Variants in MEF2D observed in about 807,000 individuals in gnomAD.
MEF2D encodes the protein myocyte-specific enhancer factor 2D.
A neutral mutation model predicts 59.3 loss-of-function variants in MEF2D; 10 were observed. The observed-to-expected ratio is 0.17, with a 90% CI of 0.10 to 0.29. The LOEUF (loss-of-function observed/expected upper bound fraction) is 0.29, where lower values mean the gene tolerates loss of function less well. MEF2D is among the 10% of genes least tolerant of loss of function. The pLI, the probability that MEF2D is intolerant of heterozygous loss-of-function variation, is 1.00. For missense variants in MEF2D, 508 were observed against 699.4 expected (o/e 0.73, Z 3.09); for synonymous variants, 305 against 295.0 (o/e 1.03, Z -0.35).
intron 1 of MEF2D, among the ~76,000 whole-genome samples, chr1:156,487,391 A>C (rs956260482): frequency 3.3e-5 from 5 of 152,130 alleles, no homozygotes; most frequent in Non-Finnish European, 4.4e-5. Context: ...TGCTGCTCCC[A>C]CTTCTGTGCC....
chr1:156,495,314 C>T (rs926225601), intron 1 of MEF2D, among the ~76,000 whole-genome samples: 1 of 152,118 alleles, frequency 6.6e-6, no homozygotes, highest in African/African-American at 2.4e-5. Context: ...GCCCTTTATA[C>T]TTCATAACTA....
At chr1:156,470,271 A>C (rs1375321022) in intron 9 of MEF2D, among the ~76,000 whole-genome samples, 1 of 152,032 alleles carries the variant, frequency 6.6e-6, no homozygotes, top group Non-Finnish European at 1.5e-5. Flanking sequence ...AATACAAAAA[A>C]TTAGCCAGGC....
Position 156,464,248 on chromosome 1 carries a change from T to C in MEF2D, c.*3397A>G, listed in dbSNP as rs1670695933. 2.0e-5 allele frequency: 3 copies of C among 152,430 alleles called. No individual in the cohort carries two copies. The allele number at this position is 152,430 out of a possible 1,614,324, so 9.4% of individuals were successfully genotyped here. On this transcript the variant is annotated 3_prime_UTR_variant, in exon 12 of 12. Coordinates refer to ENST00000348159, the MANE Select transcript of MEF2D (RefSeq NM_005920.4). Reference sequence around the variant, plus strand: ...ACCCCAGGGGATTCCAAAGAGTCAGTTAAAAATATATAGAGATATAGATAT... The same window carrying C: ...ACCCCAGGGGATTCCAAAGAGTCAGCTAAAAATATATAGAGATATAGATAT...
chr1:156,488,938 C>A (rs748587337), intron 1 of MEF2D, among the ~76,000 whole-genome samples: 3 of 152,054 alleles, frequency 2.0e-5, no homozygotes, highest in Non-Finnish European at 4.4e-5. Flanking sequence ...TGTCCTTCTC[C>A]CCTACACCCT....
Position 156,464,001 on chromosome 1 carries a change from C to T in MEF2D, c.*3644G>A, listed in dbSNP as rs1367909287. 2 of 152,622 alleles carry T rather than the reference C, an allele frequency of 1.3e-5. No homozygotes were observed. Among genetic ancestry groups the T allele is most frequent in the African/African-American group, 4.8e-5 (2 of 41,416 alleles). The allele number at this position is 152,622 out of a possible 1,614,324, so 9.5% of individuals were successfully genotyped here. ...GGGGTGGGGCACCTCCATGGCCCAT[C>T]CTGCCCCTCCCTTCCTCTTCCTCAC... On this transcript the variant is annotated 3_prime_UTR_variant, in exon 12 of 12. Transcript: ENST00000348159.
At chr1:156,484,747 C>T (rs1672238440) in intron 1 of MEF2D, among the ~76,000 whole-genome samples, 1 of 152,228 alleles carries the variant, frequency 6.6e-6, no homozygotes, top group Non-Finnish European at 1.5e-5. Context: ...CTGCACTGAA[C>T]AACTCCAGGA....
chr1:156,464,028 A>ACCT lies in MEF2D; in HGVS notation c.*3614_*3616dup, dbSNP rs1557868830. 6.6e-6 allele frequency: 1 copy of ACCT among 151,876 alleles called. No individual in the cohort carries two copies. Among genetic ancestry groups the ACCT allele is most frequent in the Non-Finnish European group, 1.5e-5 (1 of 67,836 alleles). The allele number at this position is 151,876 out of a possible 1,614,324, so 9.4% of individuals were successfully genotyped here. A position where few individuals can be genotyped will look rare whatever the true frequency, so the allele number is the denominator to read the frequency against. On this transcript the variant is annotated 3_prime_UTR_variant, in exon 12 of 12. Transcript: ENST00000348159. ...TGCCCCTCCCTTCCTCTTCCTCACC[A>ACCT]CCTCCCTCCCTCTGGAGAATGGGGA... is the stretch of plus-strand genomic sequence containing the variant.
chr1:156,483,433 G>A lies in MEF2D; in HGVS notation c.-138-3C>T. The stretch of plus-strand genomic sequence containing the variant: ...CAGGATACCTTCTGCACAGCCTCCT[G>A]GAAAGGGAGGGTCATGAGAGGTCTC... On this transcript the variant is annotated splice_region_variant and splice_polypyrimidine_tract_variant and intron_variant, in intron 1 of 11. Transcript: ENST00000348159. The A allele has an allele frequency of 1.3e-6, 1 of 795,960 alleles. No individual in the cohort carries two copies. The highest frequency in any genetic ancestry group is 1.7e-5 in the African/African-American group (1 of 58,456). The allele number at this position is 795,960 out of a possible 1,614,324, so 49.3% of individuals were successfully genotyped here. A position where few individuals can be genotyped will look rare whatever the true frequency, so the allele number is the denominator to read the frequency against.
chr1:156,489,224 A>G (rs1319356400), intron 1 of MEF2D, among the ~76,000 whole-genome samples: 1 of 152,176 alleles, frequency 6.6e-6, no homozygotes, highest in Non-Finnish European at 1.5e-5. Context: ...CGCTGGAGAC[A>G]GCTGTCATCC....
intron 1 of MEF2D, among the ~76,000 whole-genome samples, chr1:156,493,970 C>T (rs1048176615): frequency 1.3e-5 from 2 of 152,106 alleles, no homozygotes; most frequent in African/African-American, 4.8e-5. Flanking sequence ...TCATGGGCCC[C>T]AGAGGCCTGC....
In MEF2D at chr1:156,477,162, G is replaced by A. The variant is rs1354613773; in HGVS notation, c.705C>T (p.Leu235=). ...YVSARASPGL[L]PVANGNSLNK... is the part of the protein sequence containing the mutation. ...TTAGGCTGTTGCCATTGGCCACAGGGAGGAGGCCAGGGGAAGCCCGAGCAC... is the reference window on the plus strand; with the variant it reads ...TTAGGCTGTTGCCATTGGCCACAGGAAGGAGGCCAGGGGAAGCCCGAGCAC... Residue 235 remains leucine (L), a synonymous_variant, in exon 7 of 12, where the codon CTC becomes CTT. Coordinates refer to ENST00000348159, the MANE Select transcript of MEF2D (RefSeq NM_005920.4). The A allele has an allele frequency of 1.2e-6, 2 of 1,613,180 alleles. No individual in the cohort carries two copies. The highest frequency in any genetic ancestry group is 1.7e-6 in the Non-Finnish European group (2 of 1,179,480).
Position 156,464,928 on chromosome 1 carries a change from AG to A in MEF2D, c.*2716del, listed in dbSNP as rs1343275586. The A allele has an allele frequency of 6.6e-6, 1 of 152,264 alleles. No individual in the cohort carries two copies. The highest frequency in any genetic ancestry group is 1.5e-5 in the Non-Finnish European group (1 of 68,054). The allele number at this position is 152,264 out of a possible 1,614,324, so 9.4% of individuals were successfully genotyped here. On this transcript the variant is annotated 3_prime_UTR_variant, in exon 12 of 12. Transcript: ENST00000348159. The stretch of plus-strand genomic sequence containing the variant: ...GACTAATGGTGGGAATAGCCTGAGA[AG>A]GGAAGGCCATTCATTCATTTATTGA...
intron 1 of MEF2D, among the ~76,000 whole-genome samples, chr1:156,486,340 G>A (rs972393235): frequency 1.3e-5 from 2 of 152,224 alleles, no homozygotes; most frequent in African/African-American, 4.8e-5. Flanking sequence ...AGCTACAGTG[G>A]TGTGGGCTTT....
Position 156,465,370 on chromosome 1 carries a change from T to C in MEF2D, c.*2275A>G, listed in dbSNP as rs576019780. 1 of 152,400 alleles carries C rather than the reference T, an allele frequency of 6.6e-6. No individual in the cohort carries two copies. The highest frequency in any genetic ancestry group is 2.1e-4 in the South Asian group (1 of 4,818). The allele number at this position is 152,400 out of a possible 1,614,324, so 9.4% of individuals were successfully genotyped here. The stretch of plus-strand genomic sequence containing the variant: ...CTGGAGGGAGAGACCTTGGCAGAGG[T>C]AGGGCTGCAGGGAGAAGCACAGAGG... On this transcript the variant is annotated 3_prime_UTR_variant, in exon 12 of 12. Coordinates refer to ENST00000348159, the MANE Select transcript of MEF2D (RefSeq NM_005920.4).
At chr1:156,475,932 A>T (rs543607960) in intron 8 of MEF2D, among the ~76,000 whole-genome samples, 1 of 152,264 alleles carries the variant, frequency 6.6e-6, no homozygotes, top group East Asian at 1.9e-4. Flanking sequence ...CGTGTCATGG[A>T]CTTAAGTTCA....
intron 1 of MEF2D, among the ~76,000 whole-genome samples, chr1:156,485,490 G>A (rs1255504274): frequency 6.6e-6 from 1 of 150,816 alleles, no homozygotes; most frequent in African/African-American, 2.4e-5. Flanking sequence ...AATGCATTGC[G>A]CTTCAAACGA....
chr1:156,476,942 G>A lies in MEF2D; in HGVS notation c.855+70C>T, dbSNP rs1047511434. ...GCTAGCCTTCATCTCTCCTGCTAGA[G>A]GTCTGCTCTTTCCCCTGTCCCTACT... is the stretch of plus-strand genomic sequence containing the variant. On this transcript the variant is annotated intron_variant, in intron 7 of 11. Transcript: ENST00000348159. The A allele has an allele frequency of 1.9e-6, 3 of 1,561,104 alleles. No homozygotes were observed. The African/African-American group carries it at 4.1e-5, about 21-fold the overall frequency.
intron 1 of MEF2D, among the ~76,000 whole-genome samples, chr1:156,487,186 C>T (rs1482967935): frequency 6.6e-6 from 1 of 152,224 alleles, no homozygotes; most frequent in Non-Finnish European, 1.5e-5. Context: ...CCCCCACCCC[C>T]GCCTCATGCT....
chr1:156,488,698 G>C (rs1006455850), intron 1 of MEF2D, among the ~76,000 whole-genome samples: 3 of 152,174 alleles, frequency 2.0e-5, no homozygotes, highest in African/African-American at 7.2e-5. Flanking sequence ...CTGGGTACCT[G>C]AGCAATATTC....
Sources: allele counts gnomAD v4.1 joint callset (sites outside exome capture counted in the v4.1 genomes callset), GRCh38; gene constraint gnomAD v4.1.1; transcripts MANE v1.5; gene names NCBI Gene and HGNC (gene_info 2026-07-23, HGNC 2026-07-21).